Variants in WWC2 observed in about 807,000 individuals in gnomAD.
The protein encoded by WWC2 is protein WWC2.
Under a neutral mutation model 138.5 loss-of-function variants are expected in WWC2, and 101 were observed. That is an observed-to-expected ratio of 0.73 (90% CI 0.62 to 0.86). WWC2 has a LOEUF of 0.86. Ranked by LOEUF, WWC2 falls within the 40% of genes least tolerant of loss-of-function variation. The pLI, the probability that WWC2 is intolerant of heterozygous loss-of-function variation, is 0.00. For missense variants in WWC2, 1,420 were observed against 1,419.4 expected (o/e 1.00, Z -0.01); for synonymous variants, 558 against 538.4 (o/e 1.04, Z -0.50).
intron 21 of WWC2, among the ~76,000 whole-genome samples, chr4:183,296,758 C>T (rs985545631): frequency 2.0e-5 from 3 of 151,538 alleles, no homozygotes; most frequent in Non-Finnish European, 2.9e-5. Flanking sequence ...GCGGTGAAAC[C>T]CCCTCTCTAC....
Position 183,249,928 on chromosome 4 carries a change from A to G in WWC2, c.888A>G (p.Val296=), listed in dbSNP as rs1161163363. 6.2e-7 allele frequency: 1 copy of G among 1,613,582 alleles called. No individual in the cohort carries two copies. The highest frequency in any genetic ancestry group is 1.7e-5 in the Admixed American group (1 of 60,000). ...TTTTCTTTTTCCACTAGATTGGAGT[A>G]AGAAGTAGATCAAATTTAGCTGAAA... The part of the protein sequence containing the change: ...SQTSISGDIG[V]RSRSNLAEKV... The change falls in exon 8 of 23, where the codon GTA becomes GTG. Residue 296 remains valine, a synonymous_variant. Coordinates refer to ENST00000403733, the MANE Select transcript of WWC2 (RefSeq NM_024949.6).
At chr4:183,103,941 G>C (rs559065552) in intron 1 of WWC2, among the ~76,000 whole-genome samples, 1 of 151,696 alleles carries the variant, frequency 6.6e-6, no homozygotes, top group Admixed American at 6.6e-5. Flanking sequence ...GCCTGGCCTT[G>C]TCTTTCTTTC....
intron 16 of WWC2, among the ~76,000 whole-genome samples, chr4:183,275,769 G>A (rs374224018): frequency 4.6e-5 from 7 of 151,930 alleles, no homozygotes; most frequent in African/African-American, 9.7e-5. Flanking sequence ...TTTTTATCAC[G>A]CTAATTCTGG....
At chr4:183,182,074 G>A (rs1393556209) in intron 1 of WWC2, among the ~76,000 whole-genome samples, 4 of 152,130 alleles carry the variant, frequency 2.6e-5, no homozygotes, top group African/African-American at 9.7e-5. Context: ...ATAGCCTAGA[G>A]TGAAACACAT....
intron 1 of WWC2, among the ~76,000 whole-genome samples, chr4:183,117,582 A>G (rs1257513164): frequency 6.6e-6 from 1 of 151,296 alleles, no homozygotes; most frequent in African/African-American, 2.4e-5. Flanking sequence ...ACTATAATCC[A>G]AGAAAGCCTT....
At chr4:183,188,790 A>G (rs1208580259) in intron 1 of WWC2, among the ~76,000 whole-genome samples, 1 of 151,584 alleles carries the variant, frequency 6.6e-6, no homozygotes, top group Non-Finnish European at 1.5e-5. Flanking sequence ...GATTATAGGC[A>G]TGTGCCACCA....
At chr4:183,315,594 C>T in intron 22 of WWC2, 69 bp from the exon 23 acceptor site, 3 of 1,277,646 alleles carry the variant, frequency 2.3e-6, no homozygotes, top group Non-Finnish European at 3.3e-6. Context: ...GTCTTGGGGA[C>T]TGTTTTAATG....
intron 1 of WWC2, among the ~76,000 whole-genome samples, chr4:183,111,239 C>CA (rs1031069089): frequency 3.4e-4 from 52 of 152,200 alleles, no homozygotes; most frequent in Admixed American, 6.5e-4. Context: ...GACTCCATCT[C>CA]AAAAAATAAA....
intron 3 of WWC2, among the ~76,000 whole-genome samples, 176 bp from the exon 4 acceptor site, chr4:183,208,773 G>A (rs527479060): frequency 6.6e-6 from 1 of 152,230 alleles, no homozygotes; most frequent in South Asian, 2.1e-4. Flanking sequence ...AAAAAAAATG[G>A]TAGAGGTTTG....
intron 1 of WWC2, among the ~76,000 whole-genome samples, chr4:183,167,932 T>G (rs1405620428): frequency 6.6e-6 from 1 of 151,370 alleles, no homozygotes; most frequent in Non-Finnish European, 1.5e-5. Flanking sequence ...CTTGGCTCAG[T>G]GCAACCTTTG....
At chr4:183,202,956 C>T (rs1735342770) in intron 2 of WWC2, among the ~76,000 whole-genome samples, 1 of 152,142 alleles carries the variant, frequency 6.6e-6, no homozygotes, top group Non-Finnish European at 1.5e-5. Context: ...TTCCAAACAG[C>T]CCCCTGAATT....
chr4:183,099,511 G>A lies in WWC2; in HGVS notation c.20G>A (p.Ser7Asn). The A allele has an allele frequency of 7.2e-7, 1 of 1,388,530 alleles. No individual in the cohort carries two copies. Among genetic ancestry groups the A allele is most frequent in the Non-Finnish European group, 9.5e-7 (1 of 1,054,470 alleles). 86.0% of individuals were successfully genotyped at this position (1,388,530 alleles called of 1,614,324 possible). A position where few individuals can be genotyped will look rare whatever the true frequency, so the allele number is the denominator to read the frequency against. The part of the protein sequence containing the change: MPRRAG[S>N]GQLPLPRGWE... ...CCGACCATGCCTAGGAGGGCCGGGA[G>A]CGGTCAGCTGCCGCTGCCCCGGGGC... Residue 7 changes from serine to asparagine, a missense_variant, in exon 1 of 23, where the codon AGC becomes AAC. By Grantham distance (46) the Ser-to-Asn change is conservative. Coordinates refer to ENST00000403733, the MANE Select transcript of WWC2 (RefSeq NM_024949.6).
At chr4:183,172,920 T>A (rs1311229509) in intron 1 of WWC2, among the ~76,000 whole-genome samples, 2 of 152,188 alleles carry the variant, frequency 1.3e-5, no homozygotes, top group African/African-American at 4.8e-5. Flanking sequence ...TTTTTTAAAC[T>A]TGATCTTTTA....
At chr4:183,197,625 T>G (rs886703705) in intron 2 of WWC2, among the ~76,000 whole-genome samples, 1 of 150,946 alleles carries the variant, frequency 6.6e-6, no homozygotes, top group African/African-American at 2.4e-5. Context: ...CAGTGAGGGA[T>G]GTTTGCAGCT....
chr4:183,253,742 T>C lies in WWC2; in HGVS notation c.954-15T>C. On this transcript the variant is annotated splice_polypyrimidine_tract_variant and intron_variant, in intron 8 of 22. Coordinates refer to ENST00000403733, the MANE Select transcript of WWC2 (RefSeq NM_024949.6). Reference sequence around the variant, plus strand: ...TTTAAGTATGTGCATACCTCTTCTATCTTTTTTTTTTTAGTATGGCCAACT... The same window carrying C: ...TTTAAGTATGTGCATACCTCTTCTACCTTTTTTTTTTTAGTATGGCCAACT... The C allele has an allele frequency of 6.3e-7, 1 of 1,599,946 alleles. No individual in the cohort carries two copies. Among genetic ancestry groups the C allele is most frequent in the East Asian group, 2.2e-5 (1 of 44,830 alleles).
Position 183,128,043 on chromosome 4 carries a change from G to GAA in WWC2, c.131+28435_131+28436dup, listed in dbSNP as rs528448875. Among the ~76,000 whole-genome samples, 768 of 120,742 alleles carry GAA rather than the reference G, an allele frequency of 6.4e-3. 6 individuals carry two copies. The highest frequency in any genetic ancestry group is 0.022 in the African/African-American group (738 of 33,442). The allele number at this position is 120,742 out of a possible 152,430, so 79.2% of individuals were successfully genotyped here. ...GGCAACATAGTGAGACCCCATCTCT[G>GAA]AAAAAAAAAAAAAAAGGCCAGGTGC... On this transcript the variant is annotated intron_variant, in intron 1 of 22. Coordinates refer to ENST00000403733, the MANE Select transcript of WWC2 (RefSeq NM_024949.6).
intron 16 of WWC2, among the ~76,000 whole-genome samples, chr4:183,272,361 A>G (rs1737718706): frequency 6.6e-6 from 1 of 152,196 alleles, no homozygotes; most frequent in Non-Finnish European, 1.5e-5. Context: ...ATCCTTAAGA[A>G]TGCTTTTACA....
At chr4:183,191,596 T>C (rs1412718226) in intron 1 of WWC2, among the ~76,000 whole-genome samples, 2 of 152,238 alleles carry the variant, frequency 1.3e-5, no homozygotes, top group Non-Finnish European at 2.9e-5. Flanking sequence ...AGCTCTTAAC[T>C]TCTAAGCCGG....
At chr4:183,106,798 A>C (rs1451332158) in intron 1 of WWC2, among the ~76,000 whole-genome samples, 2 of 152,144 alleles carry the variant, frequency 1.3e-5, no homozygotes, top group Non-Finnish European at 2.9e-5. Context: ...GATTGTGTAG[A>C]TATACCATAT....
Sources: gnomAD v4.1 joint callset for allele counts (sites outside exome capture counted in the v4.1 genomes callset) on GRCh38, gnomAD v4.1.1 for gene constraint, MANE v1.5 for transcripts, NCBI Gene and HGNC (gene_info 2026-07-23, HGNC 2026-07-21) for gene names.